TFEC: variants seen among roughly 807,000 people sequenced by gnomAD.
The protein encoded by TFEC is class E basic helix-loop-helix protein 34.
In TFEC, 31 loss-of-function variants were observed where a neutral mutation model predicts 41.6. The ratio of observed to expected loss-of-function variants is 0.74; its 90% confidence interval spans 0.56 to 1.01. The LOEUF (loss-of-function observed/expected upper bound fraction) is 1.01, where lower values mean the gene tolerates loss of function less well. Ranked by LOEUF, TFEC falls within the 50% of genes least tolerant of loss-of-function variation. The pLI, the probability that TFEC is intolerant of heterozygous loss-of-function variation, is 0.00. For missense variants in TFEC, 402 were observed against 404.1 expected, an observed-to-expected ratio of 0.99 and a Z score of 0.04; for synonymous variants, 143 against 140.6, an observed-to-expected ratio of 1.02 and a Z score of -0.12.
At chr7:116,011,174 T>G (rs1794986461) in intron 1 of TFEC, among the ~76,000 whole-genome samples, 1 of 152,152 alleles carries the variant, frequency 6.6e-6, no homozygotes, top group African/African-American at 2.4e-5. Context: ...TCTGGGGGTG[T>G]CAAGTAATAA....
chr7:115,940,599 T>A lies in TFEC; in HGVS notation c.996A>T (p.Glu332Asp). Reference protein sequence around the residue: ...LSATSPAVSKESSRRSSFSSD... With the variant: ...LSATSPAVSKDSSRRSSFSSD... ...AGCTAAAGCTACTTCTCCTACTGCT[T>A]TCTTTGGAAACTGCAGGGGAAGTGG... The change falls in exon 8 of 8, where the codon GAA (glutamate) becomes GAT (aspartate). Residue 332 changes from glutamate (E) to aspartate (D), a missense_variant. Glu to Asp is a conservative substitution (Grantham distance 45, BLOSUM62 2). Coordinates refer to ENST00000265440, the MANE Select transcript of TFEC (RefSeq NM_012252.4). 6.2e-7 allele frequency: 1 copy of A among 1,613,364 alleles called. No homozygotes were observed. The highest frequency in any genetic ancestry group is 8.5e-7 in the Non-Finnish European group (1 of 1,179,578).
chr7:115,978,562 T>TCCAACTATC (rs1329137112), intron 2 of TFEC, among the ~76,000 whole-genome samples: 1 of 152,194 alleles, frequency 6.6e-6, no homozygotes, highest in African/African-American at 2.4e-5. Context: ...TACCTTTCTG[T>TCCAACTATC]CCAACTATCC....
upstream of TFEC, among the ~76,000 whole-genome samples, chr7:116,035,001 T>C (rs1584431016): frequency 6.6e-6 from 1 of 151,602 alleles, no homozygotes; most frequent in Non-Finnish European, 1.5e-5. Flanking sequence ...TGTCCTTTTT[T>C]CCATAGACCC....
Position 116,062,225 on chromosome 7 carries a change from C to CTTTTTTTTTTTTTTTT in TFEC, c.198+48467_198+48482dup, listed in dbSNP as rs569480964. On this transcript the variant is annotated intron_variant, in intron 3 of 8. Transcript: ENST00000484212. Reference sequence around the variant, plus strand: ...ACAGGCATGTGCCAACATGCCTGGCCTTTTTTTTTTTTTTTTTTTTTTTTT... The same window carrying CTTTTTTTTTTTTTTTT: ...ACAGGCATGTGCCAACATGCCTGGCCTTTTTTTTTTTTTTTTTTTTTTTTTTTTTTTTTTTTTTTTT... 9.2e-4 allele frequency among the ~76,000 whole-genome samples: 48 copies of CTTTTTTTTTTTTTTTT among 51,912 alleles called. 2 individuals are homozygous for CTTTTTTTTTTTTTTTT. The highest frequency in any genetic ancestry group is 1.1e-3 in the Non-Finnish European group (36 of 33,630). The allele number at this position is 51,912 out of a possible 152,430, so 34.1% of individuals were successfully genotyped here.
At position 116,059,947 on chromosome 7, in the gene TFEC, A is replaced by G. The variant is rs145587040; in HGVS notation, c.198+50761T>C. ...TGTCTCTTGCCATTTCTATTGTACT[A>G]AAGTTTTTATGAGTTCAATAAGGCA... On this transcript the variant is annotated intron_variant, in intron 3 of 8. Coordinates refer to the TFEC transcript ENST00000484212. 5.1e-3 allele frequency among the ~76,000 whole-genome samples: 773 copies of G among 152,218 alleles called. 5 individuals carry two copies. The highest frequency in any genetic ancestry group is 0.015 in the African/African-American group (621 of 41,556).
At chr7:116,058,005 T>C (rs1164930395) in intron 3 of TFEC, among the ~76,000 whole-genome samples, 2 of 151,630 alleles carry the variant, frequency 1.3e-5, no homozygotes, top group Non-Finnish European at 3.0e-5. Flanking sequence ...AAAACAAGTA[T>C]CAAGATGACA....
chr7:116,145,718 G>T (rs1194365994), intron 1 of TFEC, among the ~76,000 whole-genome samples: 1 of 152,168 alleles, frequency 6.6e-6, no homozygotes, highest in African/African-American at 2.4e-5. Flanking sequence ...CCAGGTGCCA[G>T]ACTGAATCCA....
At chr7:116,079,175 T>C (rs573572816) in intron 3 of TFEC, among the ~76,000 whole-genome samples, 2 of 152,144 alleles carry the variant, frequency 1.3e-5, no homozygotes, top group Admixed American at 6.5e-5. Flanking sequence ...AGAAGGAACA[T>C]ACCTTAAGGT....
chr7:116,103,373 C>T (rs955460037), intron 3 of TFEC, among the ~76,000 whole-genome samples: 10 of 152,110 alleles, frequency 6.6e-5, no homozygotes, highest in Admixed American at 2.6e-4. Flanking sequence ...GGATTCAGAG[C>T]AGTCAGAATG....
intron 6 of TFEC, among the ~76,000 whole-genome samples, chr7:115,947,389 T>C (rs1382519155): frequency 1.3e-5 from 2 of 151,248 alleles, no homozygotes; most frequent in Non-Finnish European, 3.0e-5. Flanking sequence ...TACGTGTGCA[T>C]GTGTCTTTAT....
At chr7:115,999,583 GCTAA>G (rs1794508051) in intron 1 of TFEC, among the ~76,000 whole-genome samples, 1 of 151,536 alleles carries the variant, frequency 6.6e-6, no homozygotes. Context: ...CTTTATCCAG[GCTAA>G]CTAAGAAAAA....
intron 3 of TFEC, among the ~76,000 whole-genome samples, chr7:116,088,400 C>A (rs977997576): frequency 6.6e-6 from 1 of 152,040 alleles, no homozygotes; most frequent in African/African-American, 2.4e-5. Flanking sequence ...TGGTAGTAGT[C>A]GGCTAAATAT....
At chr7:116,126,259 T>C (rs558487326) in intron 1 of TFEC, among the ~76,000 whole-genome samples, 2 of 152,214 alleles carry the variant, frequency 1.3e-5, no homozygotes, top group Non-Finnish European at 1.5e-5. Flanking sequence ...AAAATCCAGA[T>C]GCACTAAAAA....
intron 3 of TFEC, among the ~76,000 whole-genome samples, chr7:116,035,832 A>G (rs1795896525): frequency 6.6e-6 from 1 of 151,986 alleles, no homozygotes; most frequent in Non-Finnish European, 1.5e-5. Context: ...AGAGAAAGAG[A>G]ATGGAAAAGA....
Position 115,937,615 on chromosome 7 carries a change from CT to C in TFEC, c.*2935del, listed in dbSNP as rs1463892693. The C allele has an allele frequency of 6.6e-6, 1 of 151,698 alleles. No individual in the cohort carries two copies. The highest frequency in any genetic ancestry group is 1.9e-4 in the East Asian group (1 of 5,174). The allele number at this position is 151,698 out of a possible 1,614,324, so 9.4% of individuals were successfully genotyped here. Reference sequence around the variant, plus strand: ...TGGGGAGGACATGTTTGATAAACGACTACTTCATAAATGAACAACTTTTTTA... The same window carrying C: ...TGGGGAGGACATGTTTGATAAACGACACTTCATAAATGAACAACTTTTTTA... On this transcript the variant is annotated 3_prime_UTR_variant, in exon 8 of 8. Coordinates refer to ENST00000265440, the MANE Select transcript of TFEC (RefSeq NM_012252.4).
upstream of TFEC, among the ~76,000 whole-genome samples, chr7:116,035,043 A>G (rs1420134470): frequency 6.6e-6 from 1 of 151,650 alleles, no homozygotes. Flanking sequence ...TTTAATTTCA[A>G]TCATTCATTG....
chr7:115,947,529 C>T (rs1469389057), intron 6 of TFEC, among the ~76,000 whole-genome samples: 1 of 151,650 alleles, frequency 6.6e-6, no homozygotes, highest in African/African-American at 2.4e-5. Flanking sequence ...AGTTTACAGT[C>T]CCACCAACAG....
intron 1 of TFEC, among the ~76,000 whole-genome samples, chr7:116,158,830 C>T (rs1798920068): frequency 6.6e-6 from 1 of 151,958 alleles, no homozygotes. Context: ...TTGAAGAAGA[C>T]ATTTTCTTAT....
At chr7:116,060,291 G>C (rs1453078903) in intron 3 of TFEC, among the ~76,000 whole-genome samples, 1 of 152,110 alleles carries the variant, frequency 6.6e-6, no homozygotes, top group East Asian at 1.9e-4. Context: ...AACCATTGCG[G>C]AAAGCAGTAT....
Sources: allele counts gnomAD v4.1 joint callset (sites outside exome capture counted in the v4.1 genomes callset), GRCh38; gene constraint gnomAD v4.1.1; transcripts MANE v1.5; gene names NCBI Gene and HGNC (gene_info 2026-07-23, HGNC 2026-07-21).